The following WWTR1 variants were observed in gnomAD, a reference collection of about 807,000 sequenced individuals.
WWTR1 encodes the protein WW domain containing transcription regulator 1.
WWTR1 carries 13 observed loss-of-function variants against 40.1 expected under a neutral mutation model. That is an observed-to-expected ratio of 0.32 (90% CI 0.21 to 0.52). The LOEUF (loss-of-function observed/expected upper bound fraction) is 0.52. Ranked by LOEUF, WWTR1 falls within the 20% of genes least tolerant of loss-of-function variation. The probability of loss-of-function intolerance (pLI) is 0.97; values close to 1 mark genes in which losing one functional copy is unlikely to be tolerated. For missense variants in WWTR1, 436 were observed against 523.1 expected (o/e 0.83, Z 1.63); for synonymous variants, 230 against 210.1 (o/e 1.09, Z -0.82).
chr3:149,629,927 A>G (rs924323006), intron 2 of WWTR1, among the ~76,000 whole-genome samples: 1 of 152,032 alleles, frequency 6.6e-6, no homozygotes, highest in Non-Finnish European at 1.5e-5. Flanking sequence ...GCTCACTGCA[A>G]CCTCGACTTC....
upstream of WWTR1, among the ~76,000 whole-genome samples, chr3:149,706,358 G>T (rs1157921476): frequency 6.6e-6 from 1 of 152,122 alleles, no homozygotes; most frequent in Admixed American, 6.5e-5. Context: ...CACTCCTGTT[G>T]CCCAGGCTGG....
chr3:149,703,478 C>A (rs1343180622), upstream of WWTR1: 1 of 152,196 alleles, frequency 6.6e-6, no homozygotes, highest in South Asian at 2.1e-4. Flanking sequence ...AGGCACATTA[C>A]TTTATCTTAG....
intron 2 of WWTR1, among the ~76,000 whole-genome samples, chr3:149,604,161 A>G (rs1739383982): frequency 6.6e-6 from 1 of 152,176 alleles, no homozygotes; most frequent in South Asian, 2.1e-4. Context: ...CAACCCTGTA[A>G]GATAAGTATT....
intron 2 of WWTR1, among the ~76,000 whole-genome samples, chr3:149,605,544 G>C (rs1331766240): frequency 6.6e-6 from 1 of 152,182 alleles, no homozygotes. Context: ...GTTCGAGAGT[G>C]AGATAATGAA....
At chr3:149,611,698 G>A (rs1739744748) in intron 2 of WWTR1, among the ~76,000 whole-genome samples, 2 of 152,216 alleles carry the variant, frequency 1.3e-5, no homozygotes, top group Non-Finnish European at 2.9e-5. Flanking sequence ...ATGAGGTGGG[G>A]AGTTGTGGCA....
chr3:149,640,380 G>A (rs1406616791), intron 2 of WWTR1, among the ~76,000 whole-genome samples: 1 of 152,124 alleles, frequency 6.6e-6, no homozygotes, highest in East Asian at 1.9e-4. Context: ...ATAAACCAAT[G>A]CTTTTGTCTA....
intron 3 of WWTR1, among the ~76,000 whole-genome samples, chr3:149,552,587 T>C (rs565240375): frequency 9.2e-5 from 14 of 152,352 alleles, no homozygotes; most frequent in South Asian, 6.2e-4. Flanking sequence ...CTGCTTCCTC[T>C]TACTTCCAGA....
intron 1 of WWTR1, among the ~76,000 whole-genome samples, chr3:149,685,767 C>T (rs1015699910): frequency 1.3e-5 from 2 of 152,202 alleles, no homozygotes; most frequent in African/African-American, 4.8e-5. Flanking sequence ...ACATACTCAA[C>T]ATCATTAGCA....
At chr3:149,679,738 G>C (rs1308822267) in intron 1 of WWTR1, among the ~76,000 whole-genome samples, 1 of 152,038 alleles carries the variant, frequency 6.6e-6, no homozygotes, top group Non-Finnish European at 1.5e-5. Flanking sequence ...AAAGTGATGA[G>C]CTCCTAGGGA....
intron 2 of WWTR1, among the ~76,000 whole-genome samples, chr3:149,667,831 G>T (rs1357351514): frequency 6.6e-6 from 1 of 152,148 alleles, no homozygotes; most frequent in African/African-American, 2.4e-5. Flanking sequence ...AGTTCATTCT[G>T]TATATTTCCT....
chr3:149,588,487 T>C lies in WWTR1; in HGVS notation c.432-15487A>G, dbSNP rs573461980. On this transcript the variant is annotated intron_variant, in intron 2 of 6. Transcript: ENST00000360632. ...CGGTTTTGTTTCTATCTTTAGTGTA[T>C]GATGATAGAATGGTTAAACAAATTA... 2.6e-5 allele frequency among the ~76,000 whole-genome samples: 4 copies of C among 152,320 alleles called. No individual in the cohort carries two copies. In the South Asian group the frequency reaches 6.2e-4, roughly 24 times the overall value.
chr3:149,557,939 G>A (rs908644334), intron 3 of WWTR1, among the ~76,000 whole-genome samples: 12 of 149,628 alleles, frequency 8.0e-5, no homozygotes, highest in African/African-American at 3.0e-4. Context: ...GGAGGTGGAT[G>A]TTGCAGTGAG....
chr3:149,690,412 A>G (rs1240216743), intron 1 of WWTR1, among the ~76,000 whole-genome samples: 3 of 152,188 alleles, frequency 2.0e-5, no homozygotes, highest in African/African-American at 7.2e-5. Context: ...ACTAAAAATA[A>G]AGGGATGGAA....
chr3:149,633,805 CT>C (rs1560095290), intron 2 of WWTR1, among the ~76,000 whole-genome samples: 1 of 152,052 alleles, frequency 6.6e-6, no homozygotes, highest in East Asian at 1.9e-4. Flanking sequence ...CTGCCAGGAG[CT>C]GTGGGTGGCA....
chr3:149,561,283 T>C (rs1737067545), intron 3 of WWTR1, among the ~76,000 whole-genome samples: 1 of 152,246 alleles, frequency 6.6e-6, no homozygotes, highest in Non-Finnish European at 1.5e-5. Context: ...CATGATGTGA[T>C]GGTTTATGAA....
At chr3:149,593,600 C>A (rs886376628) in intron 2 of WWTR1, among the ~76,000 whole-genome samples, 1 of 152,226 alleles carries the variant, frequency 6.6e-6, no homozygotes, top group Admixed American at 6.5e-5. Flanking sequence ...CTGTAATTGA[C>A]TGCCTCCTTT....
intron 3 of WWTR1, among the ~76,000 whole-genome samples, chr3:149,566,437 G>A (rs892497134): frequency 1.5e-4 from 23 of 151,906 alleles, no homozygotes; most frequent in Admixed American, 7.2e-4. Flanking sequence ...TGTATGTGCC[G>A]GTGCACTTTA....
chr3:149,613,591 G>A (rs1272189695), intron 2 of WWTR1, among the ~76,000 whole-genome samples: 1 of 152,026 alleles, frequency 6.6e-6, no homozygotes, highest in Non-Finnish European at 1.5e-5. Context: ...TGTTGCCCAG[G>A]GTGGAGTGCA....
intron 2 of WWTR1, among the ~76,000 whole-genome samples, chr3:149,652,941 A>T (rs752125859): frequency 6.6e-6 from 1 of 152,180 alleles, no homozygotes; most frequent in Non-Finnish European, 1.5e-5. Context: ...TTTTTCAACA[A>T]ATGTCCTCCT....
Sources: gnomAD v4.1 joint callset for allele counts (sites outside exome capture counted in the v4.1 genomes callset) on GRCh38, gnomAD v4.1.1 for gene constraint, MANE v1.5 for transcripts, NCBI Gene and HGNC (gene_info 2026-07-23, HGNC 2026-07-21) for gene names.